MAML3: variants seen among roughly 807,000 people sequenced by gnomAD.
MAML3 encodes mastermind-like protein 3.
In MAML3, 27 loss-of-function variants were observed where a neutral mutation model predicts 101.9. That is an observed-to-expected ratio of 0.27 (90% CI 0.20 to 0.37). The LOEUF is 0.37. Among genes scored for constraint, MAML3 ranks in the 10% least tolerant of loss-of-function variants. The probability of loss-of-function intolerance (pLI) is 1.00; values close to 1 mark genes in which losing one functional copy is unlikely to be tolerated. For missense variants in MAML3, 1,316 were observed against 1,444.9 expected (o/e 0.91, Z 1.45); for synonymous variants, 501 against 555.9 (o/e 0.90, Z 1.39).
intron 1 of MAML3, among the ~76,000 whole-genome samples, chr4:139,989,041 C>G (rs553158869): frequency 1.6e-4 from 25 of 152,312 alleles, no homozygotes; most frequent in Non-Finnish European, 2.1e-4. Flanking sequence ...TGGCTACAGA[C>G]TTACTAAATT....
chr4:140,078,980 AT>A (rs1016543278), intron 1 of MAML3, among the ~76,000 whole-genome samples: 1 of 152,326 alleles, frequency 6.6e-6, no homozygotes, highest in Non-Finnish European at 1.5e-5. Flanking sequence ...CTACAATGGT[AT>A]ATGAAAAACC....
At chr4:140,072,705 C>T (rs1727682036) in intron 1 of MAML3, among the ~76,000 whole-genome samples, 1 of 151,752 alleles carries the variant, frequency 6.6e-6, no homozygotes, top group South Asian at 2.1e-4. Context: ...GGAGGACGTC[C>T]GTAAGTTATA....
chr4:140,028,041 A>G (rs988107647), intron 1 of MAML3, among the ~76,000 whole-genome samples: 52 of 152,170 alleles, frequency 3.4e-4, no homozygotes, highest in African/African-American at 1.2e-3. Flanking sequence ...TAATTCACTT[A>G]TTTATCCAAC....
rs756106379 is a variant in MAML3 at position 140,069,384 on chromosome 4, AAGGAGG to A, written c.468+83470_468+83475del. On this transcript the variant is annotated intron_variant, in intron 1 of 4. Coordinates refer to ENST00000509479, the MANE Select transcript of MAML3 (RefSeq NM_018717.5). ...GGAGAAGAAGAAGAAGAAGAAGAAG[AAGGAGG>A]AGGAGGAGGAGGAGGAGGAGGAGGA... Among the ~76,000 whole-genome samples the A allele has an allele frequency of 4.0e-3, 243 of 60,344 alleles. 1 individual carries two copies. Among genetic ancestry groups the A allele is most frequent in the African/African-American group, 0.012 (197 of 16,234 alleles). The allele number at this position is 60,344 out of a possible 152,430, so 39.6% of individuals were successfully genotyped here. A position where few individuals can be genotyped will look rare whatever the true frequency, so the allele number is the denominator to read the frequency against.
intron 2 of MAML3, among the ~76,000 whole-genome samples, chr4:139,755,841 TTAAAA>T (rs1324360123): frequency 2.0e-5 from 3 of 152,092 alleles, no homozygotes; most frequent in Non-Finnish European, 2.9e-5. Context: ...ATGGCAACAG[TTAAAA>T]TAAAATAAAA....
In MAML3 at chr4:139,890,672, G is replaced by T. The variant is rs760036447; in HGVS notation, c.764C>A (p.Pro255His). The T allele has an allele frequency of 1.0e-4, 166 of 1,613,856 alleles. No individual in the cohort carries two copies. The highest frequency in any genetic ancestry group is 1.3e-4 in the Non-Finnish European group (157 of 1,179,872). The change falls in exon 2 of 5, where the codon CCT becomes CAT. Residue 255 changes from proline (P) to histidine (H), a missense_variant. Physicochemically the swap from Pro to His is moderately conservative, Grantham distance 77. Transcript: ENST00000509479. The surrounding 1 kb of genome is among the most constrained non-coding windows in gnomAD (Gnocchi z 4.1). ...CTCCAGGTCACTGCAACCGTTGACAGGAAGTTTAATCTCAGGGAGCCTACC... is the reference window on the plus strand; with the variant it reads ...CTCCAGGTCACTGCAACCGTTGACATGAAGTTTAATCTCAGGGAGCCTACC... Reference protein sequence around the residue: ...KNGRLPEIKLPVNGCSDLEDS... With the variant: ...KNGRLPEIKLHVNGCSDLEDS...
In MAML3 at chr4:139,717,157, T is replaced by C. The variant is rs1728008433; in HGVS notation, c.*2166A>G. 1 of 152,614 alleles carries C rather than the reference T, an allele frequency of 6.6e-6. No homozygotes were observed. Among genetic ancestry groups the C allele is most frequent in the Non-Finnish European group, 1.5e-5 (1 of 68,044 alleles). 9.5% of individuals were successfully genotyped at this position (152,614 alleles called of 1,614,324 possible). A position where few individuals can be genotyped will look rare whatever the true frequency, so the allele number is the denominator to read the frequency against. On this transcript the variant is annotated 3_prime_UTR_variant, in exon 5 of 5. Coordinates refer to ENST00000509479, the MANE Select transcript of MAML3 (RefSeq NM_018717.5). ...CATTACATATACATCAGCACCGTAG[T>C]AAAAACAAAACCAAAACAAAACCAC...
At chr4:140,151,553 A>G (rs1729167829) in intron 1 of MAML3, among the ~76,000 whole-genome samples, 2 of 152,106 alleles carry the variant, frequency 1.3e-5, no homozygotes, top group Non-Finnish European at 2.9e-5. Context: ...AAACCGCACG[A>G]CGGGAGGGCC....
intron 2 of MAML3, among the ~76,000 whole-genome samples, chr4:139,775,315 C>T (rs1730072401): frequency 6.6e-6 from 1 of 152,126 alleles, no homozygotes; most frequent in African/African-American, 2.4e-5. Context: ...AAAGGCTGTG[C>T]AAAATAACCC....
rs377714396 is a variant in MAML3 at position 139,857,136 on chromosome 4, A to T, written c.2079+32221T>A. Among the ~76,000 whole-genome samples, 41 of 152,376 alleles carry T rather than the reference A, an allele frequency of 2.7e-4. No individual in the cohort carries two copies. In the South Asian group the frequency reaches 6.8e-3, roughly 25 times the overall value. On this transcript the variant is annotated intron_variant, in intron 2 of 4. Coordinates refer to ENST00000509479, the MANE Select transcript of MAML3 (RefSeq NM_018717.5). ...CAACAAGAAAGAGGAGTGGGGAGCC[A>T]GCTTAACCTCTGCAACTGGTTTACT...
chr4:140,150,901 C>G (rs976641564), intron 1 of MAML3, among the ~76,000 whole-genome samples: 1 of 152,156 alleles, frequency 6.6e-6, no homozygotes, highest in Admixed American at 6.5e-5. Context: ...GCGAGAACCT[C>G]CCCCGACTCG....
chr4:140,140,756 A>G (rs1276976835), intron 1 of MAML3, among the ~76,000 whole-genome samples: 1 of 152,206 alleles, frequency 6.6e-6, no homozygotes, highest in African/African-American at 2.4e-5. Context: ...TCATTGCCAC[A>G]TGTACCTTGT....
At chr4:139,875,541 A>G (rs887902056) in intron 2 of MAML3, among the ~76,000 whole-genome samples, 2 of 152,156 alleles carry the variant, frequency 1.3e-5, no homozygotes, top group Non-Finnish European at 2.9e-5. Flanking sequence ...AAAACCCTAG[A>G]AAACAAGCCC....
intron 1 of MAML3, among the ~76,000 whole-genome samples, chr4:140,091,845 C>T (rs1311217434): frequency 6.6e-6 from 1 of 151,900 alleles, no homozygotes; most frequent in Admixed American, 6.6e-5. Context: ...TTCCTCTCTT[C>T]GAGGACTGCA....
chr4:140,126,207 T>C (rs1421641300), intron 1 of MAML3, among the ~76,000 whole-genome samples: 1 of 149,816 alleles, frequency 6.7e-6, no homozygotes, highest in Non-Finnish European at 1.5e-5. Context: ...GCCACACATA[T>C]TCAAGGCATT....
At chr4:140,055,684 A>G (rs1727338747) in intron 1 of MAML3, among the ~76,000 whole-genome samples, 1 of 152,200 alleles carries the variant, frequency 6.6e-6, no homozygotes, top group South Asian at 2.1e-4. Context: ...ATGACTACAA[A>G]AAGCCAAAGG....
intron 2 of MAML3, among the ~76,000 whole-genome samples, chr4:139,870,028 A>G (rs1423511691): frequency 6.6e-6 from 1 of 152,206 alleles, no homozygotes; most frequent in Non-Finnish European, 1.5e-5. Context: ...TTAACTTTAC[A>G]TGTCTGAATT....
intron 2 of MAML3, among the ~76,000 whole-genome samples, chr4:139,874,813 T>G (rs1448303043): frequency 6.6e-6 from 1 of 150,808 alleles, no homozygotes; most frequent in East Asian, 1.9e-4. Context: ...TCCTTTTTTT[T>G]TTTTTTTTGA....
rs1728297913 is a variant in MAML3, at chr4:140,104,223, A to G, written c.468+48637T>C. On this transcript the variant is annotated intron_variant, in intron 1 of 4. Coordinates refer to ENST00000509479, the MANE Select transcript of MAML3 (RefSeq NM_018717.5). ...AACAAATAGAAACCCTATGTCTACA[A>G]AAAATTTAAAAAATTAGCCAGGCAT... is the stretch of plus-strand genomic sequence containing the variant. Among the ~76,000 whole-genome samples the G allele has an allele frequency of 2.7e-5, 4 of 149,756 alleles. No individual in the cohort carries two copies. In the South Asian group the frequency reaches 8.4e-4, roughly 31 times the overall value.
Sources: allele counts gnomAD v4.1 joint callset (sites outside exome capture counted in the v4.1 genomes callset), GRCh38; gene constraint gnomAD v4.1.1; non-coding constraint Gnocchi (gnomAD v3.1); transcripts MANE v1.5; gene names NCBI Gene and HGNC (gene_info 2026-07-23, HGNC 2026-07-21).